LRRC4C: variants seen among roughly 807,000 people sequenced by gnomAD.
LRRC4C encodes leucine-rich repeat-containing protein 4C.
A neutral mutation model predicts 33.6 loss-of-function variants in LRRC4C; 5 were observed. The ratio of observed to expected loss-of-function variants is 0.15; its 90% CI spans 0.08 to 0.31. The LOEUF (loss-of-function observed/expected upper bound fraction) is 0.31, where lower values mean the gene tolerates loss of function less well. LRRC4C is among the 10% of genes least tolerant of loss of function. The pLI, the probability that LRRC4C is intolerant of heterozygous loss-of-function variation, is 1.00. For missense variants in LRRC4C, 560 were observed against 796.7 expected (o/e 0.70, Z 3.58); for synonymous variants, 329 against 302.0 (o/e 1.09, Z -0.93).
intron 4 of LRRC4C, among the ~76,000 whole-genome samples, chr11:40,290,012 G>C (rs1229544496): frequency 1.3e-5 from 2 of 152,028 alleles, no homozygotes; most frequent in Admixed American, 6.6e-5. Flanking sequence ...AATTAGAGCA[G>C]CACTGAAGAA....
Position 40,760,412 on chromosome 11 carries a change from C to CAAAAAAA in LRRC4C, c.-406-112141_-406-112135dup, listed in dbSNP as rs35336371. On this transcript the variant is annotated intron_variant, in intron 2 of 6. Transcript: ENST00000528697. ...AAATATTTACTATTTGGTCCTTTAC[C>CAAAAAAA]AAAAAAAAAAAAAAAGTTTGCTGAC... is the stretch of plus-strand genomic sequence containing the variant. Among the ~76,000 whole-genome samples, 5 of 136,164 alleles carry CAAAAAAA rather than the reference C, an allele frequency of 3.7e-5. No individual in the cohort carries two copies. The South Asian group carries it at 9.3e-4, about 25-fold the overall frequency. The allele number at this position is 136,164 out of a possible 152,430, so 89.3% of individuals were successfully genotyped here.
intron 1 of LRRC4C, among the ~76,000 whole-genome samples, chr11:40,991,197 C>A (rs1592278933): frequency 1.6e-5 from 2 of 121,494 alleles, no homozygotes; most frequent in East Asian, 2.3e-4. Flanking sequence ...GGCAGCTTCC[C>A]AATATGTAAA....
At chr11:40,633,512 C>A (rs959501237) in intron 3 of LRRC4C, among the ~76,000 whole-genome samples, 155 of 151,870 alleles carry the variant, frequency 1.0e-3, no homozygotes, top group African/African-American at 3.6e-3. Context: ...CCTCAGCCCC[C>A]CTAGTAGCTG....
intron 1 of LRRC4C, among the ~76,000 whole-genome samples, chr11:41,255,559 A>C (rs1948772823): frequency 6.6e-6 from 1 of 151,958 alleles, no homozygotes; most frequent in South Asian, 2.1e-4. Flanking sequence ...ATTCATTTTT[A>C]TGTACCAGGC....
chr11:40,958,224 C>A (rs1039970244), intron 1 of LRRC4C, among the ~76,000 whole-genome samples: 15 of 151,812 alleles, frequency 9.9e-5, no homozygotes, highest in Admixed American at 9.9e-4. Flanking sequence ...TATTTTGTTA[C>A]AGCAGCTCAA....
chr11:40,215,293 A>C (rs1863895546), intron 5 of LRRC4C, among the ~76,000 whole-genome samples: 1 of 152,202 alleles, frequency 6.6e-6, no homozygotes, highest in African/African-American at 2.4e-5. Flanking sequence ...GCTGAGAGGT[A>C]CTAAGCTAAT....
At chr11:41,395,496 A>G (rs1953773227) in intron 1 of LRRC4C, among the ~76,000 whole-genome samples, 2 of 151,988 alleles carry the variant, frequency 1.3e-5, no homozygotes, top group Admixed American at 1.3e-4. Context: ...TGTGCACCAT[A>G]ATTGAATAAT....
intron 1 of LRRC4C, among the ~76,000 whole-genome samples, chr11:41,122,273 A>C (rs1467946303): frequency 6.6e-6 from 1 of 152,144 alleles, no homozygotes; most frequent in Non-Finnish European, 1.5e-5. Context: ...TACTTATTGA[A>C]CCCGCCAGAT....
intron 2 of LRRC4C, among the ~76,000 whole-genome samples, chr11:40,820,000 A>G (rs368699477): frequency 1.3e-5 from 2 of 151,528 alleles, no homozygotes; most frequent in African/African-American, 4.9e-5. Context: ...AAAAGACACA[A>G]AAAACCACTA....
intron 3 of LRRC4C, among the ~76,000 whole-genome samples, chr11:40,555,152 G>T (rs775070075): frequency 1.3e-5 from 2 of 152,118 alleles, no homozygotes; most frequent in Non-Finnish European, 2.9e-5. Flanking sequence ...TTTTTTGGTG[G>T]AGTCTTTAGG....
At chr11:40,866,805 C>A (rs1301698761) in intron 2 of LRRC4C, among the ~76,000 whole-genome samples, 1 of 152,144 alleles carries the variant, frequency 6.6e-6, no homozygotes, top group Non-Finnish European at 1.5e-5. Context: ...CATAATATGA[C>A]TTCTGCTCCT....
chr11:40,331,074 C>G lies in LRRC4C; in HGVS notation c.-269-11353G>C, dbSNP rs186720914. Among the ~76,000 whole-genome samples, 1,073 of 152,236 alleles carry G rather than the reference C, an allele frequency of 7.0e-3. 10 individuals carry two copies. The highest frequency in any genetic ancestry group is 7.8e-3 in the Non-Finnish European group (532 of 68,002). The stretch of plus-strand genomic sequence containing the variant: ...CATATATGAGTGAGAACATGTGATA[C>G]TTACTGTGTCTCACCCCAGTTAGAG... On this transcript the variant is annotated intron_variant, in intron 3 of 6. Coordinates refer to ENST00000528697, the MANE Select transcript of LRRC4C (RefSeq NM_001258419.2).
chr11:40,247,506 A>G (rs1453018451), intron 4 of LRRC4C, among the ~76,000 whole-genome samples: 1 of 152,216 alleles, frequency 6.6e-6, no homozygotes, highest in African/African-American at 2.4e-5. Flanking sequence ...ATAACATTAT[A>G]CCCATTTCAA....
At chr11:40,358,689 T>C (rs1214453311) in intron 3 of LRRC4C, among the ~76,000 whole-genome samples, 1 of 152,104 alleles carries the variant, frequency 6.6e-6, no homozygotes, top group Non-Finnish European at 1.5e-5. Context: ...TCATTGAAAC[T>C]TTTTTCCAAA....
intron 4 of LRRC4C, among the ~76,000 whole-genome samples, chr11:40,317,977 G>A (rs1416008171): frequency 1.3e-5 from 2 of 151,972 alleles, no homozygotes; most frequent in Non-Finnish European, 2.9e-5. Flanking sequence ...ATACATTTAA[G>A]CTTACATATT....
chr11:40,690,511 A>G (rs1032488465), intron 2 of LRRC4C, among the ~76,000 whole-genome samples: 10 of 152,092 alleles, frequency 6.6e-5, no homozygotes, highest in Non-Finnish European at 1.2e-4. Context: ...GCGAAAAAAC[A>G]GAAAGTCTCA....
At chr11:41,458,187 A>T (rs1260599167) in intron 1 of LRRC4C, among the ~76,000 whole-genome samples, 1 of 152,112 alleles carries the variant, frequency 6.6e-6, no homozygotes, top group African/African-American at 2.4e-5. Context: ...GCTCTTCTCT[A>T]CCTAGTTAAC....
intron 1 of LRRC4C, among the ~76,000 whole-genome samples, chr11:40,995,796 C>G (rs1172902816): frequency 1.3e-5 from 2 of 152,112 alleles, no homozygotes; most frequent in African/African-American, 4.8e-5. Context: ...GAACAAATAC[C>G]AAACCATTGG....
At chr11:41,018,481 G>A (rs1049514490) in intron 1 of LRRC4C, among the ~76,000 whole-genome samples, 16 of 152,252 alleles carry the variant, frequency 1.1e-4, no homozygotes, top group African/African-American at 3.1e-4. Context: ...CTTACAACTC[G>A]TAATAGGACA....
Sources: gnomAD v4.1 joint callset for allele counts (sites outside exome capture counted in the v4.1 genomes callset) on GRCh38, gnomAD v4.1.1 for gene constraint, MANE v1.5 for transcripts, NCBI Gene and HGNC (gene_info 2026-07-23, HGNC 2026-07-21) for gene names.